NUP210L: variants seen among roughly 807,000 people sequenced by gnomAD.
NUP210L encodes nuclear pore membrane glycoprotein 210-like.
A neutral mutation model predicts 208.5 loss-of-function variants in NUP210L; 74 were observed. The ratio of observed to expected loss-of-function variants is 0.35; its 90% CI spans 0.29 to 0.43. The LOEUF is 0.43. Among genes scored for constraint, NUP210L ranks in the 20% least tolerant of loss-of-function variants. The pLI is 1.00. For missense variants in NUP210L, 1,843 were observed against 2,289.4 expected, an observed-to-expected ratio of 0.81 and a Z score of 3.98; for synonymous variants, 780 against 816.9, an observed-to-expected ratio of 0.95 and a Z score of 0.77.
chr1:154,136,389 T>C lies in NUP210L; in HGVS notation c.851-417A>G, dbSNP rs1037327823. ...ATCGCTTGAACCTGGGAGGTGGAGG[T>C]TGCAGTGAGCTGAGATCAAACCATT... is the stretch of plus-strand genomic sequence containing the variant. On this transcript the variant is annotated intron_variant, in intron 6 of 39. Transcript: ENST00000368559. Among the ~76,000 whole-genome samples, 4 of 151,566 alleles carry C rather than the reference T, an allele frequency of 2.6e-5. No homozygotes were observed. The South Asian group carries it at 6.3e-4, about 24-fold the overall frequency.
chr1:154,035,803 G>A (rs192221443), intron 27 of NUP210L, among the ~76,000 whole-genome samples: 4 of 151,762 alleles, frequency 2.6e-5, no homozygotes, highest in African/African-American at 9.7e-5. Flanking sequence ...GCATGATCTC[G>A]GCTCATTGCA....
At chr1:154,050,121 A>G (rs1653407388) in intron 25 of NUP210L, among the ~76,000 whole-genome samples, 1 of 152,158 alleles carries the variant, frequency 6.6e-6, no homozygotes, top group East Asian at 1.9e-4. Flanking sequence ...CTCCTGACAA[A>G]ATTCAGACTA....
At chr1:154,008,942 C>T (rs1650734229) in intron 35 of NUP210L, among the ~76,000 whole-genome samples, 1 of 150,882 alleles carries the variant, frequency 6.6e-6, no homozygotes, top group African/African-American at 2.4e-5. Flanking sequence ...TGAAGTCTTG[C>T]TCTTTCGCCC....
exon 6 of NUP210L, chr1:154,138,168 T>C (rs767759157): frequency 1.3e-6 from 2 of 1,538,754 alleles, no homozygotes; most frequent in Non-Finnish European, 1.7e-6. Context: ...TACTAAGAGA[T>C]AAATATCATG....
intron 2 of NUP210L, among the ~76,000 whole-genome samples, chr1:154,150,648 A>AACCC (rs1398884161): frequency 1.4e-5 from 2 of 146,098 alleles, no homozygotes; most frequent in Non-Finnish European, 3.0e-5. Context: ...GAATTGCTTG[A>AACCC]ACCCAGGAGG....
At chr1:154,066,750 T>TA (rs1183424736) in intron 17 of NUP210L, among the ~76,000 whole-genome samples, 1 of 151,978 alleles carries the variant, frequency 6.6e-6, no homozygotes, top group Non-Finnish European at 1.5e-5. Context: ...TAAAAAATGA[T>TA]AAAGGGGATA....
At chr1:154,154,950 C>G (rs1659627540) in exon 1 of NUP210L, 17 of 1,614,176 alleles carry the variant, frequency 1.1e-5, no homozygotes, top group Non-Finnish European at 1.4e-5. Context: ...CAGGGTCCCA[C>G]GCAAAACCAG....
At chr1:154,000,301 T>TC (rs1177963787) in intron 37 of NUP210L, among the ~76,000 whole-genome samples, 2 of 152,058 alleles carry the variant, frequency 1.3e-5, no homozygotes, top group Admixed American at 6.6e-5. Flanking sequence ...ATAACATCTG[T>TC]CCCCCCATAT....
intron 16 of NUP210L, among the ~76,000 whole-genome samples, chr1:154,074,350 G>A (rs1654927866): frequency 6.6e-6 from 1 of 151,748 alleles, no homozygotes. Flanking sequence ...GTATTTTCCT[G>A]GAAAAAAGCA....
chr1:154,119,103 AAC>A (rs954118036), intron 10 of NUP210L, among the ~76,000 whole-genome samples: 6 of 152,314 alleles, frequency 3.9e-5, no homozygotes, highest in African/African-American at 1.4e-4. Flanking sequence ...TTAAAAAATC[AAC>A]ATAGTAAGGG....
chr1:154,097,070 T>C (rs916373758), intron 14 of NUP210L, among the ~76,000 whole-genome samples: 2 of 150,738 alleles, frequency 1.3e-5, no homozygotes, highest in African/African-American at 4.9e-5. Flanking sequence ...TGAGACTCTG[T>C]CTCAAAAAAA....
chr1:154,138,337 T>C, intron 5 of NUP210L, 99 bp from the exon 6 acceptor site: 4 of 1,074,062 alleles, frequency 3.7e-6, no homozygotes, highest in Non-Finnish European at 5.1e-6. Flanking sequence ...AAACTTCTTT[T>C]AAAATTTTTT....
At chr1:154,068,384 T>C (rs964075527) in intron 17 of NUP210L, among the ~76,000 whole-genome samples, 5 of 152,114 alleles carry the variant, frequency 3.3e-5, no homozygotes, top group Non-Finnish European at 7.4e-5. Flanking sequence ...TAGCCATATG[T>C]AGAAAGCTGA....
chr1:154,140,135 G>C (rs1465743490), intron 4 of NUP210L, among the ~76,000 whole-genome samples, 183 bp from the exon 5 acceptor site: 2 of 152,226 alleles, frequency 1.3e-5, no homozygotes, highest in East Asian at 1.9e-4. Context: ...CACATCACTT[G>C]AGGTCAGGAA....
At chr1:154,071,018 G>C (rs151232981) in intron 16 of NUP210L, among the ~76,000 whole-genome samples, 1 of 151,034 alleles carries the variant, frequency 6.6e-6, no homozygotes, top group Admixed American at 6.6e-5. Context: ...AGGCACATTT[G>C]CCCTTTTTTG....
chr1:153,993,895 C>G (rs1649652574), intron 38 of NUP210L, among the ~76,000 whole-genome samples: 1 of 151,988 alleles, frequency 6.6e-6, no homozygotes, highest in South Asian at 2.1e-4. Context: ...GACTCCATCT[C>G]AAAAAAATTT....
intron 13 of NUP210L, among the ~76,000 whole-genome samples, chr1:154,100,884 C>T (rs1411645374): frequency 6.6e-6 from 1 of 151,660 alleles, no homozygotes; most frequent in Non-Finnish European, 1.5e-5. Flanking sequence ...TTAAAAATAC[C>T]ATCTTGGGCC....
At chr1:154,083,858 A>T (rs1339395733) in intron 16 of NUP210L, among the ~76,000 whole-genome samples, 1 of 151,814 alleles carries the variant, frequency 6.6e-6, no homozygotes, top group African/African-American at 2.4e-5. Context: ...ATGAGAAAGG[A>T]TGAAAGGGTG....
chr1:154,125,102 C>T (rs1018900908), intron 10 of NUP210L, among the ~76,000 whole-genome samples: 7 of 152,116 alleles, frequency 4.6e-5, no homozygotes, highest in African/African-American at 1.7e-4. Context: ...CCTAGGAGTT[C>T]AAGACCAGCC....
Sources: gnomAD v4.1 joint callset for allele counts (sites outside exome capture counted in the v4.1 genomes callset) on GRCh38, gnomAD v4.1.1 for gene constraint, MANE v1.5 for transcripts, NCBI Gene and HGNC (gene_info 2026-07-23, HGNC 2026-07-21) for gene names.